BICD1: variants seen among roughly 807,000 people sequenced by gnomAD.
BICD1 encodes BICD cargo adaptor 1, also known as protein bicaudal D homolog 1.
A neutral mutation model predicts 92.5 loss-of-function variants in BICD1; 35 were observed. The ratio of observed to expected loss-of-function variants is 0.38; its 90% CI spans 0.29 to 0.50. The LOEUF is 0.50. Ranked by LOEUF, BICD1 falls within the 20% of genes least tolerant of loss-of-function variation. The probability of loss-of-function intolerance (pLI) is 0.93; values close to 1 mark genes in which losing one functional copy is unlikely to be tolerated. For missense variants in BICD1, 950 were observed against 1,189.8 expected (o/e 0.80, Z 2.97); for synonymous variants, 429 against 465.1 (o/e 0.92, Z 1.00).
intron 1 of BICD1, among the ~76,000 whole-genome samples, chr12:32,181,382 G>A (rs920692668): frequency 9.3e-5 from 14 of 151,176 alleles, no homozygotes; most frequent in African/African-American, 1.7e-4. Flanking sequence ...ATCACCCCAC[G>A]GCACTCCAGC....
intron 2 of BICD1, among the ~76,000 whole-genome samples, chr12:32,254,030 GC>G (rs1269211873): frequency 2.2e-5 from 3 of 135,906 alleles, no homozygotes; most frequent in Admixed American, 7.7e-5. Context: ...CATAATCACT[GC>G]CCATATCCCA....
intron 1 of BICD1, among the ~76,000 whole-genome samples, chr12:32,111,796 AT>A (rs1398808602): frequency 6.6e-6 from 1 of 151,926 alleles, no homozygotes; most frequent in Non-Finnish European, 1.5e-5. Context: ...TTTAGTAGAG[AT>A]GGGCTTTCAC....
At chr12:32,369,723 C>T (rs1177999421) in intron 9 of BICD1, among the ~76,000 whole-genome samples, 1 of 150,284 alleles carries the variant, frequency 6.7e-6, no homozygotes, top group African/African-American at 2.5e-5. Context: ...GAGACCTCCA[C>T]CCCCGACCTC....
intron 2 of BICD1, among the ~76,000 whole-genome samples, chr12:32,239,931 G>A (rs1051196038): frequency 2.2e-4 from 34 of 151,968 alleles, no homozygotes; most frequent in African/African-American, 6.0e-4. Flanking sequence ...TTTAATTAAG[G>A]TATGTATTTT....
Position 32,213,489 on chromosome 12 carries a change from G to A in BICD1, c.214-2758G>A, listed in dbSNP as rs567182131. ...CAGCTCACTGCAACCTCCGTCTCTC[G>A]GGTTCAAGTGATTCTCCTGCCTCAG... On this transcript the variant is annotated intron_variant, in intron 1 of 9. Transcript: ENST00000652176. Among the ~76,000 whole-genome samples, 6 of 152,124 alleles carry A rather than the reference G, an allele frequency of 3.9e-5. No individual in the cohort carries two copies. In the East Asian group the frequency reaches 5.8e-4, roughly 15 times the overall value.
intron 2 of BICD1, among the ~76,000 whole-genome samples, chr12:32,259,851 G>C (rs1422489297): frequency 1.3e-5 from 2 of 151,946 alleles, no homozygotes; most frequent in Non-Finnish European, 2.9e-5. Flanking sequence ...GCTTATAAGA[G>C]TATTACTGTA....
At chr12:32,271,874 G>A (rs577240785) in intron 2 of BICD1, among the ~76,000 whole-genome samples, 1 of 152,136 alleles carries the variant, frequency 6.6e-6, no homozygotes, top group African/African-American at 2.4e-5. Flanking sequence ...ACTGCCTGAA[G>A]CCAAGAGACA....
chr12:32,111,401 C>G (rs1174228869), intron 1 of BICD1, among the ~76,000 whole-genome samples: 1 of 152,178 alleles, frequency 6.6e-6, no homozygotes, highest in Non-Finnish European at 1.5e-5. Context: ...CTAGATTCAT[C>G]TTTAAGCAGA....
chr12:32,225,621 GTTTTTTT>G (rs58895470), intron 2 of BICD1, among the ~76,000 whole-genome samples: 1 of 92,776 alleles, frequency 1.1e-5, no homozygotes, highest in Non-Finnish European at 2.1e-5. Flanking sequence ...CTTTTTTTCT[GTTTTTTT>G]TTTTTTTTTT....
intron 1 of BICD1, among the ~76,000 whole-genome samples, chr12:32,153,008 G>A (rs1943333952): frequency 1.3e-5 from 2 of 152,010 alleles, no homozygotes; most frequent in African/African-American, 4.8e-5. Flanking sequence ...GGTATGAATG[G>A]TCCCATCACC....
At chr12:32,323,335 G>C (rs1466995966) in intron 4 of BICD1, among the ~76,000 whole-genome samples, 1 of 152,200 alleles carries the variant, frequency 6.6e-6, no homozygotes, top group Admixed American at 6.5e-5. Context: ...GGTTGTGGGA[G>C]GTGGACCACA....
intron 2 of BICD1, among the ~76,000 whole-genome samples, chr12:32,221,127 A>C (rs1306232189): frequency 2.7e-5 from 4 of 150,938 alleles, no homozygotes; most frequent in African/African-American, 9.8e-5. Flanking sequence ...TATCTTTAGG[A>C]GATACACCTA....
chr12:32,248,358 A>C (rs326644), intron 2 of BICD1, among the ~76,000 whole-genome samples: 1 of 151,950 alleles, frequency 6.6e-6, no homozygotes, highest in African/African-American at 2.4e-5. Flanking sequence ...AACAGTTCAT[A>C]TCAGGATTTT....
chr12:32,340,594 C>A (rs1001534023), intron 8 of BICD1: 3 of 761,206 alleles, frequency 3.9e-6, no homozygotes, highest in Non-Finnish European at 4.8e-6. Context: ...AATTAATAAT[C>A]AATGTTAACA....
intron 1 of BICD1, among the ~76,000 whole-genome samples, chr12:32,176,389 G>T (rs1198155226): frequency 6.6e-6 from 1 of 152,060 alleles, no homozygotes; most frequent in African/African-American, 2.4e-5. Context: ...ACAGTTTATT[G>T]ATGTATGATT....
chr12:32,257,879 A>T (rs1946762087), intron 2 of BICD1, among the ~76,000 whole-genome samples: 1 of 152,194 alleles, frequency 6.6e-6, no homozygotes, highest in Non-Finnish European at 1.5e-5. Context: ...TGATACATGT[A>T]TGTGTGTATA....
chr12:32,198,703 GC>G (rs1182817802), intron 1 of BICD1, among the ~76,000 whole-genome samples: 1 of 151,918 alleles, frequency 6.6e-6, no homozygotes, highest in Non-Finnish European at 1.5e-5. Context: ...CTCTCCTCCT[GC>G]CGTCAAGGGT....
intron 5 of BICD1, chr12:32,333,358 A>G: frequency 3.5e-6 from 3 of 861,860 alleles, no homozygotes; most frequent in Non-Finnish European, 4.2e-6. Context: ...CTGAATTTAA[A>G]TCCAATCAAA....
intron 2 of BICD1, among the ~76,000 whole-genome samples, chr12:32,259,360 A>G (rs1173364123): frequency 6.6e-6 from 1 of 152,210 alleles, no homozygotes; most frequent in Non-Finnish European, 1.5e-5. Flanking sequence ...AAATAAATAA[A>G]GGATTATTGG....
Sources: allele counts gnomAD v4.1 joint callset (sites outside exome capture counted in the v4.1 genomes callset), GRCh38; gene constraint gnomAD v4.1.1; transcripts MANE v1.5; gene names NCBI Gene and HGNC (gene_info 2026-07-23, HGNC 2026-07-21).